AHCYL2: variants seen among roughly 807,000 people sequenced by gnomAD.
AHCYL2 encodes adenosylhomocysteinase like 2.
Under a neutral mutation model 81.4 loss-of-function variants are expected in AHCYL2, and 28 were observed. The observed-to-expected ratio is 0.34, with a 90% CI of 0.25 to 0.47. AHCYL2 has a LOEUF of 0.47. Among genes scored for constraint, AHCYL2 ranks in the 20% least tolerant of loss-of-function variants. The pLI, the probability that AHCYL2 is intolerant of heterozygous loss-of-function variation, is 1.00. For missense variants in AHCYL2, 551 were observed against 785.1 expected (o/e 0.70, Z 3.56); for synonymous variants, 272 against 290.2 (o/e 0.94, Z 0.64).
intron 12 of AHCYL2, among the ~76,000 whole-genome samples, chr7:129,415,819 G>A (rs564260432): frequency 3.3e-5 from 5 of 152,112 alleles, no homozygotes; most frequent in Admixed American, 1.3e-4. Context: ...TTAGTTGGGT[G>A]TGGTGGCTTG....
At chr7:129,252,902 C>T (rs187220993) in intron 1 of AHCYL2, among the ~76,000 whole-genome samples, 4 of 151,850 alleles carry the variant, frequency 2.6e-5, no homozygotes, top group African/African-American at 9.7e-5. Flanking sequence ...CAGGTGGGCT[C>T]TTGGCTTAAA....
rs369034240 is a variant in AHCYL2, at chr7:129,244,387, CTG to C, written c.363+18951_363+18952del. Among the ~76,000 whole-genome samples the C allele has an allele frequency of 3.2e-3, 487 of 152,228 alleles. 6 individuals carry two copies. The South Asian group carries it at 0.045, about 14-fold the overall frequency. On this transcript the variant is annotated intron_variant, in intron 1 of 16. Coordinates refer to ENST00000325006, the MANE Select transcript of AHCYL2 (RefSeq NM_015328.4). Reference sequence around the variant, plus strand: ...ATTGTTGACTGAGTATGTCTTTTCTCTGTGATACGTGTCATAGTCCACTCAGG... The same window carrying C: ...ATTGTTGACTGAGTATGTCTTTTCTCTGATACGTGTCATAGTCCACTCAGG...
rs73722954 is a variant in AHCYL2, at chr7:129,325,511, T to G, written c.364-54127T>G. Among the ~76,000 whole-genome samples, 525 of 152,262 alleles carry G rather than the reference T, an allele frequency of 3.4e-3. 1 individual carries two copies. The highest frequency in any genetic ancestry group is 0.012 in the African/African-American group (508 of 41,552). ...GTGATGTTCCTTGGTGTAGTTTTGT[T>G]TATACCTTTGTGCTTGGGGTTTGTT... On this transcript the variant is annotated intron_variant, in intron 1 of 16. Transcript: ENST00000325006.
chr7:129,400,138 A>G (rs1307294482), intron 5 of AHCYL2, 152 bp from the exon 6 acceptor site: 1 of 626,956 alleles, frequency 1.6e-6, no homozygotes, highest in East Asian at 2.8e-5. Flanking sequence ...AAAGGGGCTG[A>G]AGGCAACGCC....
At chr7:129,425,208 T>TG in intron 15 of AHCYL2, 67 bp downstream of exon 15, 1 of 1,450,608 alleles carries the variant, frequency 6.9e-7, no homozygotes. Flanking sequence ...AAAGGAAGTT[T>TG]GGGGGCATTA....
chr7:129,351,377 C>T (rs1405239158), intron 1 of AHCYL2: 2 of 152,074 alleles, frequency 1.3e-5, no homozygotes, highest in African/African-American at 4.8e-5. Context: ...TTAGAAAACA[C>T]AAAAATATAC....
At chr7:129,261,611 C>T (rs935791170) in intron 1 of AHCYL2, among the ~76,000 whole-genome samples, 1 of 152,186 alleles carries the variant, frequency 6.6e-6, no homozygotes, top group Non-Finnish European at 1.5e-5. Context: ...ACTGTGTTCT[C>T]TGTACCCCTT....
chr7:129,344,047 C>T (rs1051213096), intron 1 of AHCYL2, among the ~76,000 whole-genome samples: 5 of 152,082 alleles, frequency 3.3e-5, no homozygotes, highest in East Asian at 1.9e-4. Context: ...CTCAACACCA[C>T]GAGAGAAGTG....
intron 2 of AHCYL2, among the ~76,000 whole-genome samples, chr7:129,385,621 G>C (rs978193940): frequency 6.6e-6 from 1 of 152,056 alleles, no homozygotes; most frequent in Non-Finnish European, 1.5e-5. Flanking sequence ...TCATTTATTC[G>C]TAAGATTTTT....
At chr7:129,349,651 CAAAA>C (rs34969591) in intron 1 of AHCYL2, among the ~76,000 whole-genome samples, 6 of 86,112 alleles carry the variant, frequency 7.0e-5, no homozygotes, top group African/African-American at 3.1e-4. Context: ...GACTCTGTTT[CAAAA>C]AAAAAAAAAA....
chr7:129,389,351 G>A, intron 3 of AHCYL2, 152 bp downstream of exon 3: 1 of 977,830 alleles, frequency 1.0e-6, no homozygotes, highest in Non-Finnish European at 1.5e-6. Flanking sequence ...GAAACACTGG[G>A]GAAATCTGGC....
At chr7:129,311,682 C>T (rs1797663719) in intron 1 of AHCYL2, among the ~76,000 whole-genome samples, 2 of 147,742 alleles carry the variant, frequency 1.4e-5, no homozygotes, top group Admixed American at 1.4e-4. Context: ...TCAATATATT[C>T]ATAGTCTAAC....
intron 1 of AHCYL2, among the ~76,000 whole-genome samples, chr7:129,261,883 TTCCTC>T (rs957049248): frequency 2.6e-5 from 4 of 152,188 alleles, no homozygotes; most frequent in African/African-American, 9.7e-5. Flanking sequence ...AGGCTTCAGT[TTCCTC>T]TTAACCATTT....
intron 1 of AHCYL2, among the ~76,000 whole-genome samples, chr7:129,373,166 T>G (rs1485932328): frequency 6.6e-6 from 1 of 152,088 alleles, no homozygotes; most frequent in African/African-American, 2.4e-5. Flanking sequence ...ATTCAAAAAC[T>G]CTGGTGGTTA....
chr7:129,255,795 C>T (rs537353988), intron 1 of AHCYL2, among the ~76,000 whole-genome samples: 1 of 152,110 alleles, frequency 6.6e-6, no homozygotes, highest in East Asian at 1.9e-4. Flanking sequence ...GAAACCCTGT[C>T]TCTACTAAAA....
At chr7:129,248,595 T>C (rs2150699547) in intron 1 of AHCYL2, among the ~76,000 whole-genome samples, 1 of 151,990 alleles carries the variant, frequency 6.6e-6, no homozygotes, top group South Asian at 2.1e-4. Flanking sequence ...ACTGTTGGAA[T>C]TGGGTAGTAT....
At chr7:129,367,230 T>C (rs1266913669) in intron 1 of AHCYL2, among the ~76,000 whole-genome samples, 1 of 152,186 alleles carries the variant, frequency 6.6e-6, no homozygotes, top group African/African-American at 2.4e-5. Flanking sequence ...ATAATTATAA[T>C]ATTGTCACTG....
intron 1 of AHCYL2, among the ~76,000 whole-genome samples, chr7:129,367,210 G>A (rs1794155183): frequency 6.6e-6 from 1 of 152,124 alleles, no homozygotes. Flanking sequence ...CTTTCACAGA[G>A]CCTATAATCA....
intron 1 of AHCYL2, among the ~76,000 whole-genome samples, chr7:129,257,179 T>C (rs575387027): frequency 1.3e-5 from 2 of 152,160 alleles, no homozygotes; most frequent in South Asian, 2.1e-4. Context: ...CAGATAGGAA[T>C]AGGAATGGCT....
Sources: gnomAD v4.1 joint callset for allele counts (sites outside exome capture counted in the v4.1 genomes callset) on GRCh38, gnomAD v4.1.1 for gene constraint, MANE v1.5 for transcripts, NCBI Gene and HGNC (gene_info 2026-07-23, HGNC 2026-07-21) for gene names.